The following STK10 variants were observed in gnomAD, a reference collection of about 807,000 sequenced individuals.
The protein encoded by STK10 is serine/threonine-protein kinase 10.
Under a neutral mutation model 113.8 loss-of-function variants are expected in STK10, and 78 were observed. The ratio of observed to expected loss-of-function variants is 0.69; its 90% confidence interval spans 0.57 to 0.83. STK10 has a LOEUF of 0.83. STK10 is among the 40% of genes least tolerant of loss of function. STK10 has a pLI of 0.00. For synonymous variants in STK10, 465 were observed against 494.7 expected, an observed-to-expected ratio of 0.94 and a Z score of 0.80; for missense variants, 1,109 against 1,280.1, an observed-to-expected ratio of 0.87 and a Z score of 2.04.
At chr5:172,152,203 T>C (rs1273451522) in intron 2 of STK10, among the ~76,000 whole-genome samples, 1 of 152,212 alleles carries the variant, frequency 6.6e-6, no homozygotes, top group South Asian at 2.1e-4. Context: ...CCACTAGACT[T>C]TGAGCTCCGT....
At chr5:172,155,527 G>C (rs1472141177) in intron 2 of STK10, among the ~76,000 whole-genome samples, 1 of 149,788 alleles carries the variant, frequency 6.7e-6, no homozygotes, top group East Asian at 2.0e-4. Context: ...TCATAAAAAA[G>C]CTCTCAGAGG....
intron 3 of STK10, among the ~76,000 whole-genome samples, chr5:172,118,878 C>CGAAAAAAAAAA (rs1769443235): frequency 1.4e-5 from 1 of 71,310 alleles, no homozygotes; most frequent in Non-Finnish European, 2.8e-5. Context: ...GACTCAGTCT[C>CGAAAAAAAAAA]AAAAAAAAAA....
intron 2 of STK10, among the ~76,000 whole-genome samples, chr5:172,135,241 G>A (rs978330069): frequency 6.6e-6 from 1 of 152,158 alleles, no homozygotes. Context: ...GGCTGGGCAC[G>A]GTGGCTCACG....
intron 1 of STK10, among the ~76,000 whole-genome samples, chr5:172,171,669 C>G (rs535540823): frequency 1.7e-4 from 24 of 140,232 alleles, no homozygotes; most frequent in Non-Finnish European, 2.9e-4. Flanking sequence ...AAGCCAAGAT[C>G]GCGTTACTGC....
chr5:172,157,671 G>A (rs569993435), intron 1 of STK10, among the ~76,000 whole-genome samples: 100 of 152,212 alleles, frequency 6.6e-4, no homozygotes, highest in South Asian at 2.9e-3. Flanking sequence ...GTTTACTGCA[G>A]CCTCCGCCTT....
In STK10 at chr5:172,136,575, C is replaced by T. The variant is rs201992764; in HGVS notation, c.322-9154G>A. 1.3e-3 allele frequency among the ~76,000 whole-genome samples: 197 copies of T among 151,628 alleles called. 2 individuals carry two copies. Among genetic ancestry groups the T allele is most frequent in the East Asian group, 0.012 (60 of 5,166 alleles). On this transcript the variant is annotated intron_variant, in intron 2 of 18. Transcript: ENST00000176763. ...TCGCGCCACTGCACTCCAGCCTGGG[C>T]GACAGAGCGAGACTCCGTCTCAAAA...
chr5:172,047,358 C>T (rs772740160), intron 18 of STK10, among the ~76,000 whole-genome samples: 21 of 152,304 alleles, frequency 1.4e-4, no homozygotes, highest in Admixed American at 4.6e-4. Context: ...AGAGGAAACG[C>T]GATCATTCAT....
chr5:172,154,182 C>T (rs1339114182), intron 2 of STK10, among the ~76,000 whole-genome samples: 1 of 152,194 alleles, frequency 6.6e-6, no homozygotes, highest in African/African-American at 2.4e-5. Flanking sequence ...TGGGCCTCAC[C>T]TCAGTTACTG....
intron 12 of STK10, among the ~76,000 whole-genome samples, chr5:172,068,766 A>G (rs1393519162): frequency 6.6e-6 from 1 of 152,020 alleles, no homozygotes; most frequent in African/African-American, 2.4e-5. Flanking sequence ...AGCCTGGCCA[A>G]CATGGTGAAA....
chr5:172,149,526 G>C (rs1207546805), intron 2 of STK10, among the ~76,000 whole-genome samples: 1 of 143,602 alleles, frequency 7.0e-6, no homozygotes, highest in Non-Finnish European at 1.5e-5. Flanking sequence ...GTGTGTCTGT[G>C]TGTGTGTGTG....
In STK10 at chr5:172,118,134, C is replaced by T. The variant is rs1015187991; in HGVS notation, c.371-504G>A. Among the ~76,000 whole-genome samples, 6 of 151,966 alleles carry T rather than the reference C, an allele frequency of 3.9e-5. 1 individual carries two copies. Among genetic ancestry groups the T allele is most frequent in the Non-Finnish European group, 4.4e-5 (3 of 68,002 alleles). ...TCATAACAGTCCTATGAAGCAGGCA[C>T]AATTATTGTCCCCATTTTACAGATG... On this transcript the variant is annotated intron_variant, in intron 3 of 18. Transcript: ENST00000176763.
chr5:172,083,146 T>C (rs1768472844), intron 10 of STK10, 62 bp from the exon 11 acceptor site: 2 of 1,605,996 alleles, frequency 1.2e-6, no homozygotes, highest in Non-Finnish European at 1.7e-6. Context: ...ATCACAATAT[T>C]TGCAACTTGG....
chr5:172,174,829 T>A (rs1770731606), intron 1 of STK10, among the ~76,000 whole-genome samples: 1 of 152,024 alleles, frequency 6.6e-6, no homozygotes, highest in Non-Finnish European at 1.5e-5. Context: ...GAGCTGCGCT[T>A]CCCTCAGCTC....
rs1767470615 is a variant in STK10, at chr5:172,045,151, A to G, written c.2767-129T>C. On this transcript the variant is annotated intron_variant, in intron 18 of 18. Transcript: ENST00000176763. ...CCTTCCAGGCCTCAGTGCTTGAGAA[A>G]CTACGGCTTCCCTATTTCCTACCCT... The G allele has an allele frequency of 2.9e-6, 4 of 1,372,234 alleles. No individual in the cohort carries two copies. The South Asian group carries it at 4.2e-5, about 14-fold the overall frequency. The allele number at this position is 1,372,234 out of a possible 1,614,324, so 85.0% of individuals were successfully genotyped here.
At chr5:172,114,466 TATATATA>T (rs1313093898) in intron 4 of STK10, 4 of 37,322 alleles carry the variant, frequency 1.1e-4, no homozygotes, top group East Asian at 4.7e-4. Flanking sequence ...TATATATATA[TATATATA>T]TTTTTTTTTT....
Position 172,093,995 on chromosome 5 carries a change from G to A in STK10, c.1006-35C>T, listed in dbSNP as rs187734817. The A allele has an allele frequency of 2.3e-5, 30 of 1,323,836 alleles. No homozygotes were observed. Among genetic ancestry groups the A allele is most frequent in the Middle Eastern group, 2.9e-4 (1 of 3,444 alleles). The allele number at this position is 1,323,836 out of a possible 1,614,324, so 82.0% of individuals were successfully genotyped here. Reference sequence around the variant, plus strand: ...TATATATATATATATTAAAGGCCATGCTGCTGTATGTTCAAGGCAAGAGTC... The same window carrying A: ...TATATATATATATATTAAAGGCCATACTGCTGTATGTTCAAGGCAAGAGTC... On this transcript the variant is annotated intron_variant, in intron 8 of 18. Transcript: ENST00000176763. The surrounding 1 kb of genome is among the most constrained non-coding windows in gnomAD (Gnocchi z 4.1).
intron 1 of STK10, among the ~76,000 whole-genome samples, chr5:172,174,945 C>T (rs1770733586): frequency 6.6e-6 from 1 of 152,238 alleles, no homozygotes; most frequent in Non-Finnish European, 1.5e-5. Flanking sequence ...TCCTCGTCCC[C>T]ATCCTTCTCC....
intron 18 of STK10, chr5:172,045,367 A>G: frequency 2.0e-6 from 1 of 505,878 alleles, no homozygotes. Context: ...AGATGGAGAG[A>G]GACTGAGCAG....
chr5:172,144,055 C>CA (rs1175347541), intron 2 of STK10, among the ~76,000 whole-genome samples: 2 of 152,242 alleles, frequency 1.3e-5, no homozygotes, highest in African/African-American at 4.8e-5. Context: ...GCATACGTGG[C>CA]ATGGCGCTAA....
Sources: allele counts gnomAD v4.1 joint callset (sites outside exome capture counted in the v4.1 genomes callset), GRCh38; gene constraint gnomAD v4.1.1; non-coding constraint Gnocchi (gnomAD v3.1); transcripts MANE v1.5; gene names NCBI Gene and HGNC (gene_info 2026-07-23, HGNC 2026-07-21).